The following COPB2 variants were observed in gnomAD, a reference collection of about 807,000 sequenced individuals.
The protein encoded by COPB2 is coat protein complex I subunit beta 2, also known as coatomer subunit beta'.
A neutral mutation model predicts 120.8 loss-of-function variants in COPB2; 16 were observed. The observed-to-expected ratio is 0.13, with a 90% confidence interval of 0.09 to 0.20. The LOEUF (loss-of-function observed/expected upper bound fraction) is 0.20, where lower values mean the gene tolerates loss of function less well. COPB2 is among the 10% of genes least tolerant of loss of function. The pLI is 1.00. For synonymous variants in COPB2, 332 were observed against 366.3 expected, an observed-to-expected ratio of 0.91 and a Z score of 1.07; for missense variants, 794 against 1,076.5, an observed-to-expected ratio of 0.74 and a Z score of 3.67.
intron 12 of COPB2, 120 bp downstream of exon 12, chr3:139,369,141 A>T: frequency 1.5e-6 from 1 of 661,780 alleles, no homozygotes. Context: ...TTTATATTTT[A>T]AATGGCTTTT....
chr3:139,386,519 C>A (rs1172230540), intron 1 of COPB2, among the ~76,000 whole-genome samples: 1 of 152,108 alleles, frequency 6.6e-6, no homozygotes, highest in African/African-American at 2.4e-5. Context: ...TCTCCCAGCT[C>A]CAATTTTCCA....
intron 2 of COPB2, chr3:139,380,950 G>A (rs901194814): frequency 6.6e-6 from 1 of 152,184 alleles, no homozygotes; most frequent in Non-Finnish European, 1.5e-5. Flanking sequence ...AAGGTTCAAC[G>A]CCATGTTAGG....
intron 7 of COPB2, 64 bp from the exon 8 acceptor site, chr3:139,373,872 G>A: frequency 1.9e-6 from 3 of 1,586,654 alleles, no homozygotes; most frequent in Non-Finnish European, 2.6e-6. Flanking sequence ...TGTGTCAGGT[G>A]AAAGAGACCC....
chr3:139,376,341 T>C (rs963378539), intron 5 of COPB2, among the ~76,000 whole-genome samples: 2 of 152,178 alleles, frequency 1.3e-5, no homozygotes, highest in African/African-American at 4.8e-5. Context: ...TAGAAAATTG[T>C]TAAAAATTAC....
rs1251873876 is a variant in COPB2 at position 139,357,554 on chromosome 3, C to CTATT, written c.*305_*308dup. ...GGCTCAGCCTTCTAAAACTAGAAGC[C>CTATT]TATTTTCATTATTGAGAAAGGAAAC... On this transcript the variant is annotated 3_prime_UTR_variant, in exon 22 of 22. Coordinates refer to ENST00000333188, the MANE Select transcript of COPB2 (RefSeq NM_004766.3). 5 of 228,300 alleles carry CTATT rather than the reference C, an allele frequency of 2.2e-5. No homozygotes were observed. Among genetic ancestry groups the CTATT allele is most frequent in the Non-Finnish European group, 4.2e-5 (5 of 119,066 alleles). 14.1% of individuals were successfully genotyped at this position (228,300 alleles called of 1,614,324 possible).
chr3:139,389,626 C>T lies in COPB2; in HGVS notation c.-76G>A. 1 of 1,446,812 alleles carries T rather than the reference C, an allele frequency of 6.9e-7. No homozygotes were observed. The highest frequency in any genetic ancestry group is 9.5e-7 in the Non-Finnish European group (1 of 1,053,652). 89.6% of individuals were successfully genotyped at this position (1,446,812 alleles called of 1,614,324 possible). ...GCCTTGAGATAAACCCACCGATCCA[C>T]TGACCGTCAGACTGACTGACGTGGA... On this transcript the variant is annotated 5_prime_UTR_variant, in exon 1 of 22. It adds an upstream start codon to the 5' untranslated region. Transcript: ENST00000333188.
chr3:139,383,481 T>A (rs1941852594), intron 1 of COPB2, 46 bp from the exon 2 acceptor site: 1 of 1,468,102 alleles, frequency 6.8e-7, no homozygotes, highest in Non-Finnish European at 9.0e-7. Flanking sequence ...CCAAATAAAA[T>A]ATGTTTGAGA....
chr3:139,388,701 C>G (rs1941985136), intron 1 of COPB2, among the ~76,000 whole-genome samples: 1 of 148,952 alleles, frequency 6.7e-6, no homozygotes, highest in South Asian at 2.1e-4. Context: ...CCTCGGCTCA[C>G]TGCAGCCTCT....
At chr3:139,378,268 C>T in intron 4 of COPB2, 79 bp from the exon 5 acceptor site, 1 of 1,322,890 alleles carries the variant, frequency 7.6e-7, no homozygotes, top group South Asian at 1.9e-5. Flanking sequence ...TTAGAAGAAG[C>T]AAACCTAACA....
At chr3:139,389,656 C>A, upstream of COPB2, 1 of 1,227,052 alleles carries the variant, frequency 8.1e-7, no homozygotes, top group South Asian at 1.6e-5. Context: ...CGTGGAACTT[C>A]CGGGAGCCGA....
At chr3:139,368,114 C>G (rs1295829219) in intron 13 of COPB2, 31 bp downstream of exon 13, 1 of 1,594,522 alleles carries the variant, frequency 6.3e-7, no homozygotes, top group African/African-American at 1.4e-5. Context: ...AAAAACAAAG[C>G]TGAAAGCGAA....
At chr3:139,370,677 T>G (rs1941609058) in intron 10 of COPB2, among the ~76,000 whole-genome samples, 1 of 152,178 alleles carries the variant, frequency 6.6e-6, no homozygotes, top group Non-Finnish European at 1.5e-5. Flanking sequence ...TCACTGGATA[T>G]TTAAGATTGT....
Position 139,374,492 on chromosome 3 carries a change from C to G in COPB2, c.748G>C (p.Asp250His). 6.2e-7 allele frequency: 1 copy of G among 1,613,804 alleles called. No homozygotes were observed. The highest frequency in any genetic ancestry group is 8.5e-7 in the Non-Finnish European group (1 of 1,179,716). The change falls in exon 7 of 22, where the codon GAT becomes CAT. Residue 250 changes from aspartate to histidine, a missense_variant. Physicochemically the swap from Asp to His is moderately conservative, Grantham distance 81. Around this residue, in one of 3 missense-constraint regions of COPB2, gnomAD observed 610 missense variants for 866.7 expected, o/e 0.70. Coordinates refer to ENST00000333188, the MANE Select transcript of COPB2 (RefSeq NM_004766.3). Reference sequence around the variant, plus strand: ...TAAACATACCCTTCTAACTTACCATCTTCTGAACCTGTGATAATGATTGGC... The same window carrying G: ...TAAACATACCCTTCTAACTTACCATGTTCTGAACCTGTGATAATGATTGGC... ...ELPIIITGSE[D>H]GTVRIWHSST...
At chr3:139,371,914 G>A in intron 9 of COPB2, 81 bp from the exon 10 acceptor site, 2 of 950,780 alleles carry the variant, frequency 2.1e-6, no homozygotes, top group South Asian at 1.6e-5. Context: ...TCATGTTATG[G>A]TAAAAGAATT....
intron 10 of COPB2, among the ~76,000 whole-genome samples, chr3:139,370,030 A>T (rs574436854): frequency 1.3e-5 from 2 of 152,340 alleles, no homozygotes; most frequent in South Asian, 2.1e-4. Context: ...GGCACTCATC[A>T]GTGTTTGCCT....
In COPB2 at chr3:139,371,850, C is replaced by T; in HGVS notation, c.1095-17G>A. The T allele has an allele frequency of 6.2e-7, 1 of 1,604,600 alleles. No individual in the cohort carries two copies. The highest frequency in any genetic ancestry group is 8.5e-7 in the Non-Finnish European group (1 of 1,172,116). On this transcript the variant is annotated splice_polypyrimidine_tract_variant and intron_variant, in intron 9 of 21. Transcript: ENST00000333188. ...ACCACAAACCTAGAAATCACAGAAGCCAGGGAGGGAAGTACAGAGGACCAA... is the reference window on the plus strand; with the variant it reads ...ACCACAAACCTAGAAATCACAGAAGTCAGGGAGGGAAGTACAGAGGACCAA...
intron 5 of COPB2, among the ~76,000 whole-genome samples, chr3:139,376,343 A>G (rs1382767833): frequency 6.6e-6 from 1 of 152,210 alleles, no homozygotes. Context: ...GAAAATTGTT[A>G]AAAATTACCA....
At chr3:139,371,854 G>T in intron 9 of COPB2, 21 bp from the exon 10 acceptor site, 1 of 1,601,254 alleles carries the variant, frequency 6.2e-7, no homozygotes, top group Non-Finnish European at 8.6e-7. Context: ...CAGAAGCCAG[G>T]GAGGGAAGTA....
At chr3:139,389,284 C>G (rs906895627) in intron 1 of COPB2, among the ~76,000 whole-genome samples, 1 of 152,258 alleles carries the variant, frequency 6.6e-6, no homozygotes, top group South Asian at 2.1e-4. Flanking sequence ...CCGCTGCAGA[C>G]TGCAGGAGCT....
Sources: gnomAD v4.1 joint callset for allele counts (sites outside exome capture counted in the v4.1 genomes callset) on GRCh38, gnomAD v4.1.1 for gene constraint, gnomAD v4.1.1 regional missense constraint, MANE v1.5 for transcripts, NCBI Gene and HGNC (gene_info 2026-07-23, HGNC 2026-07-21) for gene names.